The following ADAMTSL1 variants were observed in gnomAD, a reference collection of about 807,000 sequenced individuals.
ADAMTSL1 encodes the protein ADAMTS-like protein 1.
ADAMTSL1 carries 126 observed loss-of-function variants against 201.8 expected under a neutral mutation model. The observed-to-expected ratio is 0.62, with a 90% confidence interval of 0.54 to 0.72. ADAMTSL1 has a LOEUF of 0.72. ADAMTSL1 is among the 30% of genes least tolerant of loss of function. The pLI, the probability that ADAMTSL1 is intolerant of heterozygous loss-of-function variation, is 0.00. For synonymous variants in ADAMTSL1, 1,121 were observed against 903.4 expected (o/e 1.24, Z -4.32); for missense variants, 2,679 against 2,277.8 (o/e 1.18, Z -3.59).
intron 2 of ADAMTSL1, among the ~76,000 whole-genome samples, chr9:18,435,166 C>A (rs1380749258): frequency 2.6e-5 from 4 of 152,174 alleles, no homozygotes; most frequent in Non-Finnish European, 5.9e-5. Flanking sequence ...AGGCTTATTG[C>A]TCACACAGTT....
At chr9:18,596,332 A>C (rs2225568) in intron 4 of ADAMTSL1, among the ~76,000 whole-genome samples, 1 of 151,928 alleles carries the variant, frequency 6.6e-6, no homozygotes, top group African/African-American at 2.4e-5. Flanking sequence ...TTTGTATCCA[A>C]TCAGATACAA....
chr9:18,380,235 T>C (rs142429791), intron 2 of ADAMTSL1, among the ~76,000 whole-genome samples: 3 of 152,130 alleles, frequency 2.0e-5, no homozygotes, highest in Non-Finnish European at 4.4e-5. Context: ...AATTAGAGTA[T>C]GGGGGAAGAA....
chr9:18,181,565 T>C (rs1828479943), intron 2 of ADAMTSL1, among the ~76,000 whole-genome samples: 1 of 152,002 alleles, frequency 6.6e-6, no homozygotes, highest in South Asian at 2.1e-4. Context: ...ATCAGAGAAA[T>C]GCAAATCAAA....
chr9:18,014,815 C>T (rs1025765318), intron 1 of ADAMTSL1, among the ~76,000 whole-genome samples: 1 of 151,998 alleles, frequency 6.6e-6, no homozygotes, highest in African/African-American at 2.4e-5. Flanking sequence ...TCAGAACTGT[C>T]TTCTCTGAGT....
At chr9:18,853,782 AT>A (rs1425340218) in intron 23 of ADAMTSL1, among the ~76,000 whole-genome samples, 1 of 151,992 alleles carries the variant, frequency 6.6e-6, no homozygotes, top group Non-Finnish European at 1.5e-5. Flanking sequence ...CACTGTTATA[AT>A]TTTTGCAAAA....
intron 3 of ADAMTSL1, among the ~76,000 whole-genome samples, chr9:18,553,783 G>A (rs1820938689): frequency 6.6e-6 from 1 of 151,814 alleles, no homozygotes; most frequent in African/African-American, 2.4e-5. Flanking sequence ...CCATTGAGAA[G>A]CCAGCTGTCA....
At chr9:18,672,785 C>T (rs548799575) in intron 9 of ADAMTSL1, among the ~76,000 whole-genome samples, 1 of 152,232 alleles carries the variant, frequency 6.6e-6, no homozygotes, top group East Asian at 1.9e-4. Flanking sequence ...CCTGAATTGT[C>T]AATGGACAAT....
chr9:18,564,701 C>T (rs1214996586), intron 3 of ADAMTSL1, among the ~76,000 whole-genome samples: 1 of 152,104 alleles, frequency 6.6e-6, no homozygotes, highest in Non-Finnish European at 1.5e-5. Flanking sequence ...TGAATTACTC[C>T]TTCAGATATG....
intron 1 of ADAMTSL1, among the ~76,000 whole-genome samples, chr9:17,963,477 G>C (rs1403146157): frequency 6.6e-6 from 1 of 152,064 alleles, no homozygotes; most frequent in Admixed American, 6.6e-5. Context: ...TTTGGCAGCA[G>C]GATTGTTCAA....
At chr9:18,164,932 T>C (rs998556760) in intron 2 of ADAMTSL1, among the ~76,000 whole-genome samples, 1 of 151,918 alleles carries the variant, frequency 6.6e-6, no homozygotes, top group African/African-American at 2.4e-5. Flanking sequence ...TTTACATTTT[T>C]TTCATGGTGA....
chr9:18,354,613 G>T (rs918046350), intron 2 of ADAMTSL1, among the ~76,000 whole-genome samples: 1 of 152,144 alleles, frequency 6.6e-6, no homozygotes, highest in African/African-American at 2.4e-5. Context: ...CAGACAGTAG[G>T]CAACACAGTG....
chr9:18,516,239 A>T (rs1294982936), intron 2 of ADAMTSL1, among the ~76,000 whole-genome samples: 1 of 152,182 alleles, frequency 6.6e-6, no homozygotes, highest in Non-Finnish European at 1.5e-5. Context: ...AAAGAGAGAG[A>T]AAGAAAGAAA....
chr9:17,974,226 G>A (rs911526567), intron 1 of ADAMTSL1, among the ~76,000 whole-genome samples: 2 of 151,986 alleles, frequency 1.3e-5, no homozygotes, highest in African/African-American at 4.8e-5. Context: ...ATTCAACATA[G>A]TGTTGGCAGT....
At chr9:18,188,024 T>G (rs1828812156) in intron 2 of ADAMTSL1, among the ~76,000 whole-genome samples, 1 of 152,126 alleles carries the variant, frequency 6.6e-6, no homozygotes. Context: ...GATAAAGCCA[T>G]TTATTCATTC....
intron 2 of ADAMTSL1, among the ~76,000 whole-genome samples, chr9:18,274,318 C>T (rs141593826): frequency 4.6e-5 from 7 of 152,196 alleles, no homozygotes; most frequent in Non-Finnish European, 7.4e-5. Context: ...AATAATGTAG[C>T]GTTGTTGAGT....
chr9:18,014,419 A>G (rs1191470823), intron 1 of ADAMTSL1, among the ~76,000 whole-genome samples: 2 of 152,058 alleles, frequency 1.3e-5, no homozygotes, highest in Admixed American at 6.6e-5. Context: ...TCACTAACAG[A>G]ATTTCCTAAA....
chr9:18,177,341 G>C (rs1191399818), intron 2 of ADAMTSL1, among the ~76,000 whole-genome samples: 2 of 152,176 alleles, frequency 1.3e-5, no homozygotes, highest in Non-Finnish European at 2.9e-5. Context: ...ATTCGCCTTA[G>C]CTTTTTATGT....
At chr9:18,338,104 A>G (rs1353063687) in intron 2 of ADAMTSL1, among the ~76,000 whole-genome samples, 2 of 152,106 alleles carry the variant, frequency 1.3e-5, no homozygotes, top group Non-Finnish European at 2.9e-5. Context: ...TACTACCTCA[A>G]CCGGGCCCTC....
upstream of ADAMTSL1, among the ~76,000 whole-genome samples, chr9:18,471,300 A>G (rs897696904): frequency 1.3e-5 from 2 of 152,182 alleles, no homozygotes; most frequent in African/African-American, 4.8e-5. Flanking sequence ...ATATATATGA[A>G]TATGAGATGA....
Sources: gnomAD v4.1 joint callset for allele counts (sites outside exome capture counted in the v4.1 genomes callset) on GRCh38, gnomAD v4.1.1 for gene constraint, MANE v1.5 for transcripts, NCBI Gene and HGNC (gene_info 2026-07-23, HGNC 2026-07-21) for gene names.